Variants in ATP13A2 observed in about 807,000 individuals in gnomAD.
ATP13A2 encodes ATPase cation transporting 13A2.
In ATP13A2, 83 loss-of-function variants were observed where a neutral mutation model predicts 138.3. The ratio of observed to expected loss-of-function variants is 0.60; its 90% CI spans 0.50 to 0.72. The LOEUF is 0.72. Ranked by LOEUF, ATP13A2 falls within the 30% of genes least tolerant of loss-of-function variation. The pLI is 0.00. For missense variants in ATP13A2, 1,402 were observed against 1,606.4 expected, an observed-to-expected ratio of 0.87 and a Z score of 2.17; for synonymous variants, 663 against 699.0, an observed-to-expected ratio of 0.95 and a Z score of 0.81.
intron 20 of ATP13A2, 85 bp downstream of exon 20, chr1:16,991,649 A>C: frequency 1.2e-6 from 2 of 1,606,128 alleles, no homozygotes; most frequent in Non-Finnish European, 1.7e-6. Flanking sequence ...AAGATGCCCC[A>C]AAAAGGAATC....
In ATP13A2 at chr1:16,986,553, C is replaced by A. The variant is rs781661852; in HGVS notation, c.3315G>T (p.Pro1105=). ...LVLVPGLLQG[P]LALRNITDTG... ...TGTCAGTGATGTTCCTCAGCGCCAG[C>A]GGCCCCTGCAGGAGGCCGGGGACCA... Residue 1105 remains proline, a synonymous_variant, in exon 28 of 29, where the codon CCG becomes CCT. Transcript: ENST00000326735. The surrounding 1 kb of genome is among the most constrained non-coding windows in gnomAD (Gnocchi z 6.9). 3 of 1,612,324 alleles carry A rather than the reference C, an allele frequency of 1.9e-6. No individual in the cohort carries two copies. The highest frequency in any genetic ancestry group is 2.5e-6 in the Non-Finnish European group (3 of 1,179,816).
intron 3 of ATP13A2, 42 bp downstream of exon 3, chr1:17,005,332 C>T (rs1429823297): frequency 1.3e-6 from 2 of 1,562,148 alleles, no homozygotes; most frequent in Non-Finnish European, 1.7e-6. Context: ...GACCCTGACC[C>T]TCACTGCGCT....
At position 17,008,957 on chromosome 1, in the gene ATP13A2, C is replaced by CAAAAAAAA. The variant is rs59927720; in HGVS notation, c.10+2764_10+2771dup. ...CCAGCCAGGGTGACAGAGCAAGACT[C>CAAAAAAAA]AAAAAAAAAAAAAAAAACCCTCAGG... is the stretch of plus-strand genomic sequence containing the variant. On this transcript the variant is annotated intron_variant, in intron 1 of 28. Coordinates refer to ENST00000326735, the MANE Select transcript of ATP13A2 (RefSeq NM_022089.4). Among the ~76,000 whole-genome samples, 161 of 111,650 alleles carry CAAAAAAAA rather than the reference C, an allele frequency of 1.4e-3. 2 individuals are homozygous for CAAAAAAAA. Among genetic ancestry groups the CAAAAAAAA allele is most frequent in the African/African-American group, 5.1e-3 (154 of 30,102 alleles). The allele number at this position is 111,650 out of a possible 152,430, so 73.2% of individuals were successfully genotyped here. A position where few individuals can be genotyped will look rare whatever the true frequency, so the allele number is the denominator to read the frequency against.
chr1:16,994,067 G>A (rs1390647066), intron 15 of ATP13A2, among the ~76,000 whole-genome samples: 1 of 152,072 alleles, frequency 6.6e-6, no homozygotes, highest in Non-Finnish European at 1.5e-5. Context: ...CTTCCAGGGT[G>A]TCTTCCTCCT....
At chr1:16,987,378 C>G in intron 25 of ATP13A2, 109 bp from the exon 26 acceptor site, 1 of 1,064,466 alleles carries the variant, frequency 9.4e-7, no homozygotes, top group Non-Finnish European at 1.4e-6. Flanking sequence ...ATGGGTAAGG[C>G]ATCCCCCAGT....
chr1:16,987,387 G>T, intron 25 of ATP13A2, 118 bp from the exon 26 acceptor site: 2 of 958,688 alleles, frequency 2.1e-6, no homozygotes, highest in Middle Eastern at 3.1e-4. Flanking sequence ...GCATCCCCCA[G>T]TCTAATGGGG....
Position 16,991,786 on chromosome 1 carries a change from C to T in ATP13A2, c.2199G>A (p.Thr733=), listed in dbSNP as rs1269645931. ...TCCTTCGCAGAGCCTGGATAACTGG[C>T]GTTGTCTGCGGCTTCAGTAGGTTCC... The part of the protein sequence containing the change: ...VMRNLLKPQT[T]PVIQALRRTR... Residue 733 remains threonine, a synonymous_variant, in exon 20 of 29, where the codon ACG becomes ACA. Transcript: ENST00000326735. 6 of 1,614,048 alleles carry T rather than the reference C, an allele frequency of 3.7e-6. No individual in the cohort carries two copies. Among genetic ancestry groups the T allele is most frequent in the African/African-American group, 2.7e-5 (2 of 74,954 alleles).
intron 6 of ATP13A2, among the ~76,000 whole-genome samples, chr1:17,002,784 G>T (rs183432370): frequency 6.6e-6 from 1 of 152,110 alleles, no homozygotes; most frequent in Non-Finnish European, 1.5e-5. Flanking sequence ...GGCAAGCCTC[G>T]GGGACTGCTT....
intron 1 of ATP13A2, among the ~76,000 whole-genome samples, chr1:17,009,272 G>A (rs894902877): frequency 1.3e-5 from 2 of 152,106 alleles, no homozygotes; most frequent in African/African-American, 4.8e-5. Context: ...TGTGCTCAGG[G>A]GTCAGGAAAC....
At chr1:17,000,201 C>T (rs759914212) in intron 10 of ATP13A2, 45 bp downstream of exon 10, 45 of 1,573,542 alleles carry the variant, frequency 2.9e-5, no homozygotes, top group Admixed American at 2.7e-4. Context: ...CATGCCCCCC[C>T]ACCCTCCCAC....
intron 15 of ATP13A2, among the ~76,000 whole-genome samples, chr1:16,994,984 C>T (rs933183329): frequency 3.3e-5 from 5 of 152,174 alleles, no homozygotes; most frequent in Admixed American, 3.3e-4. Flanking sequence ...TAAAAGCGCT[C>T]TGTGGCCCCC....
Position 16,993,668 on chromosome 1 carries a change from G to A in ATP13A2, c.1710C>T (p.Gly570=), listed in dbSNP as rs1049938065. The A allele has an allele frequency of 6.9e-6, 11 of 1,594,302 alleles. No individual in the cohort carries two copies. The highest frequency in any genetic ancestry group is 4.5e-5 in the East Asian group (2 of 44,190). The change falls in exon 16 of 29, where the codon GGC becomes GGT. Residue 570 remains glycine (G), a synonymous_variant. Transcript: ENST00000326735. ...CCACCATCTTCAAGTCCATGGGGTCGCCCACGGGGGTGTCCTGGAGCCGGC... is the reference window on the plus strand; with the variant it reads ...CCACCATCTTCAAGTCCATGGGGTCACCCACGGGGGTGTCCTGGAGCCGGC... The part of the protein sequence containing the change: ...ALSRLQDTPV[G]DPMDLKMVES...
At position 17,000,524 on chromosome 1, in the gene ATP13A2, G is replaced by A; in HGVS notation, c.716C>T (p.Pro239Leu). 3 of 1,613,962 alleles carry A rather than the reference G, an allele frequency of 1.9e-6. No individual in the cohort carries two copies. The highest frequency in any genetic ancestry group is 1.1e-5 in the South Asian group (1 of 91,070). The change falls in exon 9 of 29, where the codon CCC becomes CTC. Residue 239 changes from proline (P) to leucine (L), a missense_variant. By Grantham distance (98) the Pro-to-Leu change is moderately conservative (BLOSUM62 -3). Transcript: ENST00000326735. Reference protein sequence around the residue: ...PQLLVDEALNPYYGFQAFSIA... With the variant: ...PQLLVDEALNLYYGFQAFSIA... ...GCTGAAGGCCTGGAACCCATAGTAG[G>A]GGTTCAGTGCCTGGGGGAGGGGCGG...
At chr1:17,008,726 G>A (rs555510213) in intron 1 of ATP13A2, among the ~76,000 whole-genome samples, 6 of 152,170 alleles carry the variant, frequency 3.9e-5, no homozygotes, top group Admixed American at 2.0e-4. Context: ...CAAGGGGGGC[G>A]GATCACGAGG....
Position 16,997,192 on chromosome 1 carries a change from T to C in ATP13A2, c.1040-17A>G. 2 of 1,613,140 alleles carry C rather than the reference T, an allele frequency of 1.2e-6. No homozygotes were observed. Among genetic ancestry groups the C allele is most frequent in the Non-Finnish European group, 1.7e-6 (2 of 1,179,992 alleles). ...TGCTCTCTCCTGGTGGGGAACGTGG[T>C]GTGAGGACCACTCCACACCCCTCCC... On this transcript the variant is annotated splice_polypyrimidine_tract_variant and intron_variant, in intron 11 of 28. Transcript: ENST00000326735.
rs999808782 is a variant in ATP13A2 at position 16,988,924 on chromosome 1, G to A, written c.2610-450C>T. Among the ~76,000 whole-genome samples the A allele has an allele frequency of 3.3e-5, 5 of 151,208 alleles. 1 individual carries two copies. The highest frequency in any genetic ancestry group is 2.0e-4 in the Admixed American group (3 of 15,136). Reference sequence around the variant, plus strand: ...GCTGGGATTACAGGCATGAGCCACCGTGCCCGGCCTATTATTTTTTGAGAC... The same window carrying A: ...GCTGGGATTACAGGCATGAGCCACCATGCCCGGCCTATTATTTTTTGAGAC... On this transcript the variant is annotated intron_variant, in intron 23 of 28. Coordinates refer to ENST00000326735, the MANE Select transcript of ATP13A2 (RefSeq NM_022089.4).
At chr1:17,003,951 C>T (rs1327739050) in intron 6 of ATP13A2, among the ~76,000 whole-genome samples, 6 of 152,070 alleles carry the variant, frequency 3.9e-5, no homozygotes, top group Non-Finnish European at 7.4e-5. Context: ...GGTGAGCCAC[C>T]GCACCCAGCC....
intron 23 of ATP13A2, 90 bp downstream of exon 23, chr1:16,989,601 G>C (rs2076851804): frequency 7.5e-7 from 1 of 1,338,896 alleles, no homozygotes; most frequent in East Asian, 2.3e-5. Context: ...TGAGGAGGGA[G>C]ACAGGGCCCT....
intron 3 of ATP13A2, 132 bp from the exon 4 acceptor site, chr1:17,005,204 C>G (rs1250971734): frequency 8.2e-6 from 12 of 1,461,794 alleles, no homozygotes; most frequent in Non-Finnish European, 1.1e-5. Flanking sequence ...AACCACCCGA[C>G]CCGTCCCTTC....
Sources: allele counts gnomAD v4.1 joint callset (sites outside exome capture counted in the v4.1 genomes callset), GRCh38; gene constraint gnomAD v4.1.1; non-coding constraint Gnocchi (gnomAD v3.1); transcripts MANE v1.5; gene names NCBI Gene and HGNC (gene_info 2026-07-23, HGNC 2026-07-21).